Variants in GNAI3 observed in about 807,000 individuals in gnomAD.
GNAI3 encodes the protein G protein subunit alpha i3, also known as guanine nucleotide-binding protein G(i) subunit alpha-3.
Under a neutral mutation model 41.8 loss-of-function variants are expected in GNAI3, and 12 were observed. That is an observed-to-expected ratio of 0.29 (90% CI 0.18 to 0.47). The LOEUF is 0.47. Among genes scored for constraint, GNAI3 ranks in the 20% least tolerant of loss-of-function variants. The pLI, the probability that GNAI3 is intolerant of heterozygous loss-of-function variation, is 1.00. For synonymous variants in GNAI3, 132 were observed against 146.5 expected, an observed-to-expected ratio of 0.90 and a Z score of 0.71; for missense variants, 360 against 429.6, an observed-to-expected ratio of 0.84 and a Z score of 1.43.
rs1649339022 is a variant in GNAI3, at chr1:109,597,569, C to G, written c.*5247C>G. 6.6e-6 allele frequency: 1 copy of G among 151,398 alleles called. No individual in the cohort carries two copies. Among genetic ancestry groups the G allele is most frequent in the Non-Finnish European group, 1.5e-5 (1 of 67,948 alleles). The allele number at this position is 151,398 out of a possible 1,614,324, so 9.4% of individuals were successfully genotyped here. ...ATCTATTTTTTGCCAATAAGAAGTA[C>G]CATTTGTACATGACTTAAAGTGCCT... On this transcript the variant is annotated 3_prime_UTR_variant, in exon 9 of 9. Transcript: ENST00000369851.
intron 7 of GNAI3, chr1:109,591,599 G>GT (rs1649173668): frequency 2.0e-6 from 1 of 499,386 alleles, no homozygotes; most frequent in Admixed American, 3.5e-5. Flanking sequence ...AATCTTCTCT[G>GT]TATTGTTCCA....
intron 1 of GNAI3, among the ~76,000 whole-genome samples, chr1:109,553,334 T>C (rs1648044507): frequency 7.6e-6 from 1 of 132,446 alleles, no homozygotes; most frequent in Admixed American, 8.6e-5. Context: ...TAGCAGGTTC[T>C]GAGAAAACAT....
At chr1:109,567,251 A>G (rs972272368) in intron 1 of GNAI3, among the ~76,000 whole-genome samples, 2 of 152,170 alleles carry the variant, frequency 1.3e-5, no homozygotes, top group African/African-American at 4.8e-5. Context: ...CCTCTGGAAG[A>G]GGGACTATAC....
chr1:109,561,927 G>A (rs1454943371), intron 1 of GNAI3, among the ~76,000 whole-genome samples: 1 of 152,156 alleles, frequency 6.6e-6, no homozygotes, highest in Non-Finnish European at 1.5e-5. Flanking sequence ...AAAGGGAATA[G>A]TAAGCACAAA....
intron 1 of GNAI3, among the ~76,000 whole-genome samples, chr1:109,560,703 A>G (rs1463753245): frequency 1.3e-5 from 2 of 152,144 alleles, no homozygotes; most frequent in Non-Finnish European, 2.9e-5. Context: ...GGCATGCACC[A>G]CTATGCTAGG....
At chr1:109,591,038 A>G (rs945236895) in intron 7 of GNAI3, among the ~76,000 whole-genome samples, 2 of 152,196 alleles carry the variant, frequency 1.3e-5, no homozygotes, top group Admixed American at 6.5e-5. Context: ...TAAAGGTTCT[A>G]TAAGTAGACA....
chr1:109,582,563 C>T lies in GNAI3; in HGVS notation c.588C>T (p.Phe196=), dbSNP rs199684276. The T allele has an allele frequency of 1.8e-4, 283 of 1,604,000 alleles. 2 individuals carry two copies. In the South Asian group the frequency reaches 3.0e-3, roughly 17 times the overall value. Residue 196 remains phenylalanine (F), a splice_region_variant and synonymous_variant, in exon 5 of 9, where the codon TTC becomes TTT. Coordinates refer to ENST00000369851, the MANE Select transcript of GNAI3 (RefSeq NM_006496.4). ...ETHFTFKDLY[F]KMFDVGGQRS... ...ATTTCACCTTCAAAGACCTATACTT[C>T]AAGTAAGTCATTAGCCTTTTTGCTA...
Position 109,586,224 on chromosome 1 carries a change from A to G in GNAI3, c.599A>G (p.Asp200Gly). The G allele has an allele frequency of 6.2e-7, 1 of 1,613,224 alleles. No homozygotes were observed. Among genetic ancestry groups the G allele is most frequent in the Non-Finnish European group, 8.5e-7 (1 of 1,179,508 alleles). The change falls in exon 6 of 9, where the codon GAT becomes GGT. Residue 200 changes from aspartate (D) to glycine (G), a missense_variant. Asp to Gly is a moderately conservative substitution (Grantham distance 94). Coordinates refer to ENST00000369851, the MANE Select transcript of GNAI3 (RefSeq NM_006496.4). ...TCTTTCCCCTTGCGCAGGATGTTTGATGTAGGTGGCCAAAGATCAGAACGA... is the reference window on the plus strand; with the variant it reads ...TCTTTCCCCTTGCGCAGGATGTTTGGTGTAGGTGGCCAAAGATCAGAACGA... ...TFKDLYFKMF[D>G]VGGQRSERKK...
intron 1 of GNAI3, among the ~76,000 whole-genome samples, chr1:109,552,155 C>CT (rs1262832899): frequency 6.8e-6 from 1 of 146,158 alleles, no homozygotes; most frequent in East Asian, 2.0e-4. Context: ...AAGTGAGACT[C>CT]TTTGTCTCAA....
chr1:109,570,977 A>G (rs1648583126), intron 1 of GNAI3, among the ~76,000 whole-genome samples: 1 of 152,238 alleles, frequency 6.6e-6, no homozygotes, highest in Non-Finnish European at 1.5e-5. Flanking sequence ...TCCAATGTTC[A>G]GGAACAAACT....
intron 1 of GNAI3, among the ~76,000 whole-genome samples, chr1:109,554,256 T>C (rs938740865): frequency 2.0e-5 from 3 of 152,182 alleles, no homozygotes; most frequent in Non-Finnish European, 4.4e-5. Flanking sequence ...AGGAGTGAGA[T>C]TGGTGCATCA....
rs1040161114 is a variant in GNAI3, at chr1:109,593,601, C to G, written c.*1279C>G. ...TTGCAGAATGTGCTTTAGCCTTTGT[C>G]TGAGAATGGGTTTAGGTAGAAGGGT... On this transcript the variant is annotated 3_prime_UTR_variant, in exon 9 of 9. Coordinates refer to ENST00000369851, the MANE Select transcript of GNAI3 (RefSeq NM_006496.4). 1 of 152,592 alleles carries G rather than the reference C, an allele frequency of 6.6e-6. No individual in the cohort carries two copies. The highest frequency in any genetic ancestry group is 1.5e-5 in the Non-Finnish European group (1 of 68,040). The allele number at this position is 152,592 out of a possible 1,614,324, so 9.5% of individuals were successfully genotyped here. A position where few individuals can be genotyped will look rare whatever the true frequency, so the allele number is the denominator to read the frequency against.
At chr1:109,577,477 A>G (rs868162591) in intron 3 of GNAI3, among the ~76,000 whole-genome samples, 1 of 151,960 alleles carries the variant, frequency 6.6e-6, no homozygotes, top group Admixed American at 6.6e-5. Context: ...GGGTTTCACC[A>G]TGTTGGCCAG....
At chr1:109,575,530 A>ATTTT (rs1571156635) in intron 3 of GNAI3, among the ~76,000 whole-genome samples, 2 of 65,030 alleles carry the variant, frequency 3.1e-5, no homozygotes, top group African/African-American at 1.3e-4. Flanking sequence ...CTACCCTTTC[A>ATTTT]TTTCTTTTTT....
At position 109,548,804 on chromosome 1, in the gene GNAI3, A is replaced by G. The variant is rs769111607; in HGVS notation, c.84A>G (p.Glu28=). The G allele has an allele frequency of 3.1e-6, 5 of 1,611,704 alleles. No homozygotes were observed. Among genetic ancestry groups the G allele is most frequent in the Non-Finnish European group, 3.4e-6 (4 of 1,178,894 alleles). Residue 28 remains glutamate, a synonymous_variant, in exon 1 of 9, where the codon GAA becomes GAG. Transcript: ENST00000369851. The part of the protein sequence containing the change: ...MIDRNLREDG[E]KAAKEVKLLL... ...ACCGCAACTTACGGGAGGACGGGGA[A>G]AAAGCGGCCAAAGAAGTGAAGCTGC...
Position 109,599,080 on chromosome 1 carries a change from T to C in GNAI3, c.*6758T>C, listed in dbSNP as rs1488225833. 2 of 346,488 alleles carry C rather than the reference T, an allele frequency of 5.8e-6. No individual in the cohort carries two copies. The allele number at this position is 346,488 out of a possible 1,614,324, so 21.5% of individuals were successfully genotyped here. ...CTGTTTTGGACTATTTGGAGGTACA[T>C]GTGAGTGGATTTTATTACCAGAGTA... On this transcript the variant is annotated 3_prime_UTR_variant, in exon 9 of 9. Transcript: ENST00000369851.
At chr1:109,576,782 A>G (rs1648758863) in intron 3 of GNAI3, among the ~76,000 whole-genome samples, 1 of 152,028 alleles carries the variant, frequency 6.6e-6, no homozygotes, top group South Asian at 2.1e-4. Context: ...TTGGCTGCCC[A>G]AAGTATTGGG....
Position 109,596,112 on chromosome 1 carries a change from G to A in GNAI3, c.*3790G>A, listed in dbSNP as rs1231194811. ...CAACAAGCACAAGAGAAAAAGGCAG[G>A]CTTCCTAGAGACCTCAAGTTGAAAG... On this transcript the variant is annotated 3_prime_UTR_variant, in exon 9 of 9. Transcript: ENST00000369851. 3 of 152,180 alleles carry A rather than the reference G, an allele frequency of 2.0e-5. No homozygotes were observed. Among genetic ancestry groups the A allele is most frequent in the African/African-American group, 7.2e-5 (3 of 41,452 alleles). The allele number at this position is 152,180 out of a possible 1,614,324, so 9.4% of individuals were successfully genotyped here.
chr1:109,586,114 G>A, intron 5 of GNAI3, 102 bp from the exon 6 acceptor site: 2 of 871,622 alleles, frequency 2.3e-6, no homozygotes, highest in African/African-American at 1.7e-5. Context: ...TATTATAAAT[G>A]AAGTTTTGAA....
Sources: allele counts gnomAD v4.1 joint callset (sites outside exome capture counted in the v4.1 genomes callset), GRCh38; gene constraint gnomAD v4.1.1; transcripts MANE v1.5; gene names NCBI Gene and HGNC (gene_info 2026-07-23, HGNC 2026-07-21).